The following CCDC90B variants were observed in gnomAD, a reference collection of about 807,000 sequenced individuals.
The protein encoded by CCDC90B is coiled-coil domain containing 90B, also known as coiled-coil domain-containing protein 90B, mitochondrial.
In CCDC90B, 24 loss-of-function variants were observed where a neutral mutation model predicts 37.0. The ratio of observed to expected loss-of-function variants is 0.65; its 90% confidence interval spans 0.47 to 0.91. The LOEUF is 0.91. CCDC90B is among the 40% of genes least tolerant of loss of function. CCDC90B has a pLI of 0.00. For missense variants in CCDC90B, 319 were observed against 299.0 expected (o/e 1.07, Z -0.49); for synonymous variants, 113 against 101.1 (o/e 1.12, Z -0.71).
At chr11:83,266,691 G>C (rs1239052314) in intron 7 of CCDC90B, among the ~76,000 whole-genome samples, 1 of 151,942 alleles carries the variant, frequency 6.6e-6, no homozygotes, top group African/African-American at 2.4e-5. Context: ...CTGAACAAAA[G>C]GCAGCAGACA....
intron 7 of CCDC90B, among the ~76,000 whole-genome samples, chr11:83,268,927 G>C (rs1462746103): frequency 1.3e-5 from 2 of 152,218 alleles, no homozygotes; most frequent in East Asian, 3.8e-4. Flanking sequence ...TCAGACCACA[G>C]TGCAATCAAA....
rs113127156 is a variant in CCDC90B at position 83,262,019 on chromosome 11, G to A, written c.710-53C>T. The A allele has an allele frequency of 4.0e-5, 49 of 1,230,412 alleles. 1 individual carries two copies. In the African/African-American group the frequency reaches 4.9e-4, roughly 12 times the overall value. 76.2% of individuals were successfully genotyped at this position (1,230,412 alleles called of 1,614,324 possible). Reference sequence around the variant, plus strand: ...GTCTTGTATCTGTAATTATTTTGCAGAGATAAAGAGAATAATGTTATCTTT... The same window carrying A: ...GTCTTGTATCTGTAATTATTTTGCAAAGATAAAGAGAATAATGTTATCTTT... On this transcript the variant is annotated intron_variant, in intron 8 of 8. Transcript: ENST00000529689.
At chr11:83,279,226 A>G (rs988970770) in intron 2 of CCDC90B, among the ~76,000 whole-genome samples, 14 of 152,078 alleles carry the variant, frequency 9.2e-5, no homozygotes, top group African/African-American at 3.4e-4. Flanking sequence ...GCTTGCAGTA[A>G]GCCGAGATCG....
At chr11:83,278,966 TACTAAATTACTC>T in intron 2 of CCDC90B, 137 bp from the exon 3 acceptor site, 1 of 582,308 alleles carries the variant, frequency 1.7e-6, no homozygotes. Context: ...TGACAGATAA[TACTAAATTACTC>T]TCTAAAAGAA....
In CCDC90B at chr11:83,286,306, G is replaced by T; in HGVS notation, c.-334C>A. The T allele has an allele frequency of 1.0e-6, 1 of 997,858 alleles. No individual in the cohort carries two copies. Among genetic ancestry groups the T allele is most frequent in the Non-Finnish European group, 1.4e-6 (1 of 691,742 alleles). The allele number at this position is 997,858 out of a possible 1,614,324, so 61.8% of individuals were successfully genotyped here. On this transcript the variant is annotated 5_prime_UTR_variant, in exon 1 of 9. Transcript: ENST00000529689. ...GGCAGTGGGGCATAGTCCAACAGCT[G>T]GCTCCCCCAAGATAGCCAGCGGCCA...
chr11:83,270,019 G>A (rs1367937531), intron 7 of CCDC90B, among the ~76,000 whole-genome samples: 2 of 152,134 alleles, frequency 1.3e-5, no homozygotes, highest in Non-Finnish European at 2.9e-5. Context: ...ATCAATAAAC[G>A]TAATCCATCA....
intron 3 of CCDC90B, among the ~76,000 whole-genome samples, chr11:83,277,319 A>G (rs779723016): frequency 6.6e-6 from 1 of 152,144 alleles, no homozygotes; most frequent in Non-Finnish European, 1.5e-5. Context: ...AGGAGTAACT[A>G]ATTAGATGTT....
Position 83,286,345 on chromosome 11 carries a change from T to C in CCDC90B, c.-373A>G. ...AGCCAGCGGCCATTACGCGCTTGGG[T>C]CGGGGGAGATGGAGTCGCATTTAGC... On this transcript the variant is annotated 5_prime_UTR_variant, in exon 1 of 9. Coordinates refer to ENST00000529689, the MANE Select transcript of CCDC90B (RefSeq NM_021825.5). 1 of 703,502 alleles carries C rather than the reference T, an allele frequency of 1.4e-6. No individual in the cohort carries two copies. Among genetic ancestry groups the C allele is most frequent in the Non-Finnish European group, 2.3e-6 (1 of 431,152 alleles). 43.6% of individuals were successfully genotyped at this position (703,502 alleles called of 1,614,324 possible).
intron 7 of CCDC90B, 114 bp downstream of exon 7, chr11:83,273,533 G>A: frequency 1.4e-6 from 1 of 730,664 alleles, no homozygotes; most frequent in Non-Finnish European, 2.1e-6. Flanking sequence ...GAGGAAGCCA[G>A]AGACTCTACA....
chr11:83,277,784 C>T lies in CCDC90B; in HGVS notation c.324+942G>A, dbSNP rs376290242. ...GTAATGGGATTACAGGTGTGACCCACGGCACCTGGCCATAGTAGAAATCTG... is the reference window on the plus strand; with the variant it reads ...GTAATGGGATTACAGGTGTGACCCATGGCACCTGGCCATAGTAGAAATCTG... On this transcript the variant is annotated intron_variant, in intron 3 of 8. Coordinates refer to ENST00000529689, the MANE Select transcript of CCDC90B (RefSeq NM_021825.5). Among the ~76,000 whole-genome samples the T allele has an allele frequency of 1.3e-4, 19 of 151,994 alleles. No homozygotes were observed. The East Asian group carries it at 1.5e-3, about 12-fold the overall frequency.
intron 1 of CCDC90B, chr11:83,285,336 G>A (rs1865618236): frequency 8.4e-7 from 1 of 1,187,558 alleles, no homozygotes; most frequent in Non-Finnish European, 1.1e-6. Flanking sequence ...GGTGCCAACA[G>A]GTTGGAAACT....
chr11:83,270,014 T>C (rs1018873529), intron 7 of CCDC90B, among the ~76,000 whole-genome samples: 53 of 152,202 alleles, frequency 3.5e-4, no homozygotes, highest in African/African-American at 1.3e-3. Flanking sequence ...CACAAATCAA[T>C]AAACGTAATC....
chr11:83,285,887 G>C lies in CCDC90B; in HGVS notation c.86C>G (p.Pro29Arg). 1 of 1,612,716 alleles carries C rather than the reference G, an allele frequency of 6.2e-7. No individual in the cohort carries two copies. ...WVSRPRGHFS[P>R]ALRREFFTTT... The stretch of plus-strand genomic sequence containing the variant: ...CCTTGCCTCACCTCTCCGCAGGGCC[G>C]GCGAGAAATGCCCGCGGGGCCTTGA... Residue 29 changes from proline (P) to arginine (R), a missense_variant, in exon 1 of 9, where the codon CCG becomes CGG. Coordinates refer to ENST00000529689, the MANE Select transcript of CCDC90B (RefSeq NM_021825.5).
At chr11:83,267,436 T>G (rs1864353526) in intron 7 of CCDC90B, 1 of 152,124 alleles carries the variant, frequency 6.6e-6, no homozygotes, top group Non-Finnish European at 1.5e-5. Context: ...CTGATGGAGC[T>G]GAAAACCATG....
intron 1 of CCDC90B, chr11:83,285,623 G>A: frequency 1.5e-6 from 2 of 1,346,426 alleles, no homozygotes; most frequent in Non-Finnish European, 1.9e-6. Flanking sequence ...TGAGAAAGAA[G>A]CCGGGCGCGA....
chr11:83,265,633 G>A (rs919494975), intron 8 of CCDC90B, among the ~76,000 whole-genome samples: 7 of 151,978 alleles, frequency 4.6e-5, no homozygotes, highest in Non-Finnish European at 8.8e-5. Context: ...CTTTGGCTGC[G>A]TCTAATTTGT....
In CCDC90B at chr11:83,286,350, G is replaced by T; in HGVS notation, c.-378C>A. The T allele has an allele frequency of 1.5e-6, 1 of 685,480 alleles. No homozygotes were observed. The highest frequency in any genetic ancestry group is 1.9e-5 in the South Asian group (1 of 52,224). The allele number at this position is 685,480 out of a possible 1,614,324, so 42.5% of individuals were successfully genotyped here. A position where few individuals can be genotyped will look rare whatever the true frequency, so the allele number is the denominator to read the frequency against. ...GCGGCCATTACGCGCTTGGGTCGGG[G>T]GAGATGGAGTCGCATTTAGCCGCAC... On this transcript the variant is annotated 5_prime_UTR_variant, in exon 1 of 9. Coordinates refer to ENST00000529689, the MANE Select transcript of CCDC90B (RefSeq NM_021825.5).
At chr11:83,274,910 G>C in intron 3 of CCDC90B, 170 bp from the exon 4 acceptor site, 2 of 426,496 alleles carry the variant, frequency 4.7e-6, no homozygotes, top group South Asian at 3.9e-5. Flanking sequence ...TGAAAAGAAA[G>C]AGATTCAAGG....
intron 8 of CCDC90B, among the ~76,000 whole-genome samples, chr11:83,263,350 T>C (rs984424374): frequency 2.0e-5 from 3 of 152,190 alleles, no homozygotes; most frequent in African/African-American, 7.2e-5. Flanking sequence ...GCTGCTGTTA[T>C]TTCAGCTTTT....
Sources: gnomAD v4.1 joint callset for allele counts (sites outside exome capture counted in the v4.1 genomes callset) on GRCh38, gnomAD v4.1.1 for gene constraint, MANE v1.5 for transcripts, NCBI Gene and HGNC (gene_info 2026-07-23, HGNC 2026-07-21) for gene names.